Variants in TJAP1 observed in about 807,000 individuals in gnomAD.
The protein encoded by TJAP1 is tight junction associated protein 1.
A neutral mutation model predicts 42.0 loss-of-function variants in TJAP1; 27 were observed. That is an observed-to-expected ratio of 0.64 (90% confidence interval 0.47 to 0.89). The LOEUF is 0.89. Ranked by LOEUF, TJAP1 falls within the 40% of genes least tolerant of loss-of-function variation. The pLI is 0.00. For missense variants in TJAP1, 712 were observed against 726.9 expected (o/e 0.98, Z 0.24); for synonymous variants, 257 against 288.4 (o/e 0.89, Z 1.10).
At chr6:43,481,454 T>C (rs1168377077) in intron 2 of TJAP1, among the ~76,000 whole-genome samples, 2 of 150,406 alleles carry the variant, frequency 1.3e-5, no homozygotes, top group Admixed American at 6.7e-5. Context: ...ATAGTCTGGA[T>C]ATAATTTTTA....
At chr6:43,501,599 C>T (rs145980028) in exon 6 of TJAP1, 37 of 1,613,824 alleles carry the variant, frequency 2.3e-5, no homozygotes, top group African/African-American at 8.0e-5. Context: ...GGCCCTGGAA[C>T]GTGAGCTGGA....
intron 10 of TJAP1, 152 bp from the exon 11 acceptor site, chr6:43,504,609 G>C: frequency 1.0e-6 from 1 of 970,628 alleles, no homozygotes; most frequent in Non-Finnish European, 1.5e-6. Flanking sequence ...TGTGAAGTGA[G>C]GGTATACACA....
At chr6:43,489,824 A>T (rs577450399) in intron 2 of TJAP1, 1 of 152,240 alleles carries the variant, frequency 6.6e-6, no homozygotes, top group African/African-American at 2.4e-5. Flanking sequence ...GATGCTTCCC[A>T]TCAGGAGAGT....
chr6:43,488,787 C>A (rs1787137576), intron 2 of TJAP1, among the ~76,000 whole-genome samples: 1 of 152,104 alleles, frequency 6.6e-6, no homozygotes, highest in Non-Finnish European at 1.5e-5. Flanking sequence ...TCTTTTTTTT[C>A]TAGACAGTTG....
intron 2 of TJAP1, among the ~76,000 whole-genome samples, chr6:43,487,183 C>T (rs996240444): frequency 2.6e-5 from 4 of 152,134 alleles, no homozygotes; most frequent in Middle Eastern, 3.4e-3. Context: ...AGGACATGGC[C>T]CCTCTTTGTG....
At chr6:43,504,064 T>C in intron 10 of TJAP1, 1 of 429,142 alleles carries the variant, frequency 2.3e-6, no homozygotes, top group Non-Finnish European at 4.5e-6. Flanking sequence ...CCCCACAGCT[T>C]CAGGCCCAAG....
In TJAP1 at chr6:43,503,233, G is replaced by A. The variant is rs971351137; in HGVS notation, c.388-168G>A. ...CCACCCCACAGCCAGTCCAGAGAGC[G>A]GGAGAGATGCCCAGTCTCCTTCTGT... On this transcript the variant is annotated intron_variant, in intron 8 of 10. Transcript: ENST00000372449. 23 of 618,734 alleles carry A rather than the reference G, an allele frequency of 3.7e-5. No individual in the cohort carries two copies. The Admixed American group carries it at 4.7e-4, about 13-fold the overall frequency. The allele number at this position is 618,734 out of a possible 1,614,324, so 38.3% of individuals were successfully genotyped here.
Position 43,499,159 on chromosome 6 carries a change from TCTGG to T in TJAP1, c.99+63_99+66del, listed in dbSNP as rs1040511987. 3 of 1,598,090 alleles carry T rather than the reference TCTGG, an allele frequency of 1.9e-6. No individual in the cohort carries two copies. In the African/African-American group the frequency reaches 4.0e-5, roughly 21 times the overall value. ...GAGGCAAGGCCCCTGAGGCTGGGTGTCTGGCTGACTTCTCCTGCCTGAGCTTCTG... is the reference window on the plus strand; with the variant it reads ...GAGGCAAGGCCCCTGAGGCTGGGTGTCTGACTTCTCCTGCCTGAGCTTCTG... On this transcript the variant is annotated intron_variant, in intron 4 of 10. Coordinates refer to ENST00000372449, the Ensembl canonical transcript of TJAP1.
chr6:43,483,926 A>G (rs1179038565), intron 2 of TJAP1, among the ~76,000 whole-genome samples: 1 of 152,098 alleles, frequency 6.6e-6, no homozygotes, highest in East Asian at 1.9e-4. Context: ...TTAGCTGGGT[A>G]TGGTGGCTTG....
intron 2 of TJAP1, chr6:43,489,895 G>C (rs116480461): frequency 0.045 from 6,842 of 152,490 alleles, 225 homozygotes; most frequent in Non-Finnish European, 0.065. Context: ...CTTTCTCTCT[G>C]CAGCTCCGGA....
chr6:43,489,904 G>C (rs1303457395), intron 2 of TJAP1: 1 of 152,388 alleles, frequency 6.6e-6, no homozygotes, highest in African/African-American at 2.4e-5. Context: ...TGCAGCTCCG[G>C]AGTTGGGCTG....
Position 43,479,392 on chromosome 6 carries a change from T to G in TJAP1, c.-122+1160T>G, listed in dbSNP as rs534945301. Among the ~76,000 whole-genome samples, 7 of 152,374 alleles carry G rather than the reference T, an allele frequency of 4.6e-5. No individual in the cohort carries two copies. The South Asian group carries it at 1.4e-3, about 32-fold the overall frequency. ...GATGATATGTAGCTGTGACTCTGTT[T>G]CTGAAGGTTGAGAACCTCCTTTTTC... is the stretch of plus-strand genomic sequence containing the variant. On this transcript the variant is annotated intron_variant, in intron 2 of 10. Coordinates refer to ENST00000372449, the Ensembl canonical transcript of TJAP1.
Position 43,502,076 on chromosome 6 carries a change from A to ACACACTCTCTCTCTCT in TJAP1, c.291-206_291-205insACACTCTCTCTCTCTC, listed in dbSNP as rs767085594. Among the ~76,000 whole-genome samples, 182 of 68,952 alleles carry ACACACTCTCTCTCTCT rather than the reference A, an allele frequency of 2.6e-3. 5 individuals carry two copies. Among genetic ancestry groups the ACACACTCTCTCTCTCT allele is most frequent in the South Asian group, 4.6e-3 (9 of 1,952 alleles). The allele number at this position is 68,952 out of a possible 152,430, so 45.2% of individuals were successfully genotyped here. The stretch of plus-strand genomic sequence containing the variant: ...CACACACACACACACACACACACAC[A>ACACACTCTCTCTCTCT]CTCTCTCTCTCTCTCTCTCTCTCTC... On this transcript the variant is annotated intron_variant, in intron 6 of 10. Coordinates refer to ENST00000372449, the Ensembl canonical transcript of TJAP1.
In TJAP1 at chr6:43,495,366, G is replaced by A. The variant is rs1294014590; in HGVS notation, c.-121-2515G>A. On this transcript the variant is annotated intron_variant, in intron 2 of 10. Transcript: ENST00000372449. This position sits in a 1 kb window ranked among gnomAD's most constrained non-coding sequence, Gnocchi z 4.6. Reference sequence around the variant, plus strand: ...CAGGCCCGTTGTATTCCTGTTCATTGCTGGAACTGTGGGCCCCTAATGGGC... The same window carrying A: ...CAGGCCCGTTGTATTCCTGTTCATTACTGGAACTGTGGGCCCCTAATGGGC... 1.3e-5 allele frequency among the ~76,000 whole-genome samples: 2 copies of A among 152,216 alleles called. No homozygotes were observed. The highest frequency in any genetic ancestry group is 4.8e-5 in the African/African-American group (2 of 41,450).
chr6:43,494,675 G>A (rs531002263), intron 2 of TJAP1, among the ~76,000 whole-genome samples: 2 of 136,388 alleles, frequency 1.5e-5, no homozygotes, highest in East Asian at 2.1e-4. Context: ...TTTTTGAGAC[G>A]GAGTCTCTGT....
At chr6:43,501,036 C>A in intron 5 of TJAP1, 1 of 519,094 alleles carries the variant, frequency 1.9e-6, no homozygotes, top group Non-Finnish European at 3.5e-6. Context: ...CTAAGGAGCC[C>A]TTCCCCAGCT....
exon 6 of TJAP1, chr6:43,501,587 G>A: frequency 6.2e-7 from 1 of 1,614,104 alleles, no homozygotes. Flanking sequence ...CAGACGCACT[G>A]AGGCCCTGGA....
chr6:43,504,746 G>T lies in TJAP1; in HGVS notation c.580-15G>T. ...GCGATCATTGATGTCTCTCTTTCCT[G>T]CTCTTTTACCTCAGCTGCCCTGTGA... is the stretch of plus-strand genomic sequence containing the variant. On this transcript the variant is annotated splice_polypyrimidine_tract_variant and intron_variant, in intron 10 of 10. Coordinates refer to ENST00000372449, the Ensembl canonical transcript of TJAP1. 1 of 1,604,044 alleles carries T rather than the reference G, an allele frequency of 6.2e-7. No homozygotes were observed. The highest frequency in any genetic ancestry group is 8.5e-7 in the Non-Finnish European group (1 of 1,172,828).
At chr6:43,499,131 G>A (rs1213749594) in intron 4 of TJAP1, 31 bp downstream of exon 4, 1 of 1,610,824 alleles carries the variant, frequency 6.2e-7, no homozygotes, top group Admixed American at 1.7e-5. Flanking sequence ...AGCCTGACCG[G>A]CAGAGGCAAG....
Sources: gnomAD v4.1 joint callset for allele counts (sites outside exome capture counted in the v4.1 genomes callset) on GRCh38, gnomAD v4.1.1 for gene constraint, Gnocchi (gnomAD v3.1) non-coding constraint, MANE v1.5 for transcripts, NCBI Gene and HGNC (gene_info 2026-07-23, HGNC 2026-07-21) for gene names.